Variants in MDN1 observed in about 807,000 individuals in gnomAD.
The protein encoded by MDN1 is midasin AAA ATPase 1, also known as midasin.
A neutral mutation model predicts 669.2 loss-of-function variants in MDN1; 266 were observed. The observed-to-expected ratio is 0.40, with a 90% CI of 0.36 to 0.44. The LOEUF is 0.44. MDN1 is among the 20% of genes least tolerant of loss of function. MDN1 has a pLI of 1.00. For synonymous variants in MDN1, 2,385 were observed against 2,457.1 expected, an observed-to-expected ratio of 0.97 and a Z score of 0.87; for missense variants, 5,940 against 6,754.0, an observed-to-expected ratio of 0.88 and a Z score of 4.22.
In MDN1 at chr6:89,688,720, G is replaced by GTC. The variant is rs1812185072; in HGVS notation, c.11110_11111dup (p.Asp3704GlufsTer3). ...AGGGCCCATCAGGTTTCACCATCAGGTCTGAGGGTGCCTCCCCAAAAAGAG... is the reference window on the plus strand; with the variant it reads ...AGGGCCCATCAGGTTTCACCATCAGGTCTCTGAGGGTGCCTCCCCAAAAAGAG... On this transcript the variant is annotated frameshift_variant, in exon 66 of 102. Coordinates refer to ENST00000369393, the MANE Select transcript of MDN1 (RefSeq NM_014611.3). LOFTEE classifies it high-confidence loss of function. 6.2e-7 allele frequency: 1 copy of GTC among 1,614,080 alleles called. No homozygotes were observed. Among genetic ancestry groups the GTC allele is most frequent in the Admixed American group, 1.7e-5 (1 of 60,008 alleles).
At chr6:89,729,263 A>C in intron 35 of MDN1, 124 bp from the exon 36 acceptor site, 1 of 719,792 alleles carries the variant, frequency 1.4e-6, no homozygotes, top group Non-Finnish European at 2.3e-6. Flanking sequence ...ATTTGCAGTG[A>C]AAATGTTCAA....
intron 59 of MDN1, among the ~76,000 whole-genome samples, chr6:89,698,369 C>T (rs1001567360): frequency 1.3e-5 from 2 of 152,216 alleles, no homozygotes; most frequent in Admixed American, 6.5e-5. Context: ...GAAACTTCAA[C>T]ACTTTATCGG....
In MDN1 at chr6:89,684,882, T is replaced by C. The variant is rs752531870; in HGVS notation, c.11823A>G (p.Glu3941=). The C allele has an allele frequency of 1.3e-6, 2 of 1,595,922 alleles. No individual in the cohort carries two copies. The highest frequency in any genetic ancestry group is 3.3e-5 in the Admixed American group (2 of 59,796). The change falls in exon 71 of 102, where the codon GAA becomes GAG. Residue 3941 remains glutamate, a synonymous_variant. Transcript: ENST00000369393. Reference sequence around the variant, plus strand: ...TGACAGCTGTTCATCTTACTTTAAGTTCTTTTTCTAGGGGGGAACGAAGTT... The same window carrying C: ...TGACAGCTGTTCATCTTACTTTAAGCTCTTTTTCTAGGGGGGAACGAAGTT... ...IVELRSPLEK[E]LKEFVKISKW...
At chr6:89,816,083 A>G (rs755846166) in intron 1 of MDN1, among the ~76,000 whole-genome samples, 8 of 152,236 alleles carry the variant, frequency 5.3e-5, no homozygotes, top group Non-Finnish European at 8.8e-5. Context: ...TAAAGACTAG[A>G]TAACACTGCT....
At chr6:89,703,725 T>C (rs1366154064) in intron 53 of MDN1, among the ~76,000 whole-genome samples, 4 of 151,992 alleles carry the variant, frequency 2.6e-5, no homozygotes, top group African/African-American at 4.8e-5. Flanking sequence ...AGAAAAACAA[T>C]TGAGAGGCCA....
chr6:89,674,980 A>C (rs1170611430), intron 78 of MDN1, among the ~76,000 whole-genome samples: 3 of 152,218 alleles, frequency 2.0e-5, no homozygotes, highest in Non-Finnish European at 2.9e-5. Flanking sequence ...AACTGTCCTC[A>C]TCTCTTAATT....
chr6:89,652,298 A>G lies in MDN1; in HGVS notation c.15826-17T>C, dbSNP rs754949512. 1.2e-6 allele frequency: 2 copies of G among 1,609,780 alleles called. No individual in the cohort carries two copies. Among genetic ancestry groups the G allele is most frequent in the Non-Finnish European group, 1.7e-6 (2 of 1,177,412 alleles). ...TAAAAAGGGCTAAAAAGAAAAAGCC[A>G]TAGATAAGAGGTGGCCCAGGTTGGA... On this transcript the variant is annotated splice_polypyrimidine_tract_variant and intron_variant, in intron 94 of 101. Coordinates refer to ENST00000369393, the MANE Select transcript of MDN1 (RefSeq NM_014611.3).
At chr6:89,785,692 G>T (rs1165593394) in intron 8 of MDN1, among the ~76,000 whole-genome samples, 2 of 152,158 alleles carry the variant, frequency 1.3e-5, no homozygotes, top group African/African-American at 4.8e-5. Context: ...AGGAAAGAAT[G>T]GCCCTTATAC....
At chr6:89,672,819 G>A in intron 80 of MDN1, 117 bp from the exon 81 acceptor site, 1 of 1,137,778 alleles carries the variant, frequency 8.8e-7, no homozygotes, top group Non-Finnish European at 1.2e-6. Context: ...GTGTCAAGCT[G>A]TGCCAGATAC....
At chr6:89,744,304 T>C (rs1027543527) in intron 29 of MDN1, among the ~76,000 whole-genome samples, 1 of 151,892 alleles carries the variant, frequency 6.6e-6, no homozygotes, top group Non-Finnish European at 1.5e-5. Flanking sequence ...TCTTGCCAGG[T>C]ACAGTGTGGC....
At chr6:89,738,519 C>T in intron 32 of MDN1, 64 bp from the exon 33 acceptor site, 2 of 1,577,372 alleles carry the variant, frequency 1.3e-6, no homozygotes, top group Non-Finnish European at 1.7e-6. Flanking sequence ...GAAAACAAGT[C>T]TTGAAAGAAT....
intron 17 of MDN1, 75 bp from the exon 18 acceptor site, chr6:89,759,035 G>A: frequency 6.9e-7 from 1 of 1,455,150 alleles, no homozygotes; most frequent in Admixed American, 1.8e-5. Context: ...TATGCAAGCA[G>A]GGTTAGAAAT....
chr6:89,745,178 G>T, intron 29 of MDN1, 95 bp downstream of exon 29: 1 of 1,179,310 alleles, frequency 8.5e-7, no homozygotes, highest in Middle Eastern at 2.2e-4. Context: ...AGGAAAGAAG[G>T]GGGGATTAAT....
chr6:89,670,840 C>A, intron 83 of MDN1, 79 bp downstream of exon 83: 4 of 1,455,194 alleles, frequency 2.7e-6, no homozygotes, highest in Non-Finnish European at 3.7e-6. Context: ...AAAATAAAAG[C>A]CTATCACACC....
At chr6:89,693,390 A>G (rs1323645064) in intron 62 of MDN1, among the ~76,000 whole-genome samples, 1 of 152,194 alleles carries the variant, frequency 6.6e-6, no homozygotes, top group East Asian at 1.9e-4. Context: ...AAGCCTCATC[A>G]TGACTCACTG....
rs1285312531 is a variant in MDN1 at position 89,712,142 on chromosome 6, A to G, written c.7545T>C (p.Val2515=). 5 of 1,614,024 alleles carry G rather than the reference A, an allele frequency of 3.1e-6. No homozygotes were observed. Among genetic ancestry groups the G allele is most frequent in the East Asian group, 2.2e-5 (1 of 44,878 alleles). ...TGAGCAATTTAACAGCCATGACCAAAACATCTGGTTCATCGATCCAGTAAG... is the reference window on the plus strand; with the variant it reads ...TGAGCAATTTAACAGCCATGACCAAGACATCTGGTTCATCGATCCAGTAAG... ...VNTYWIDEPD[V]LVMAVKLLIE... Residue 2515 remains valine, a synonymous_variant, in exon 49 of 102, where the codon GTT becomes GTC. Transcript: ENST00000369393.
At chr6:89,782,981 G>A (rs925473681) in intron 9 of MDN1, among the ~76,000 whole-genome samples, 16 of 152,080 alleles carry the variant, frequency 1.1e-4, no homozygotes, top group Non-Finnish European at 4.4e-5. Flanking sequence ...GAGGATGTAC[G>A]TCACCTCAGG....
rs370583860 is a variant in MDN1 at position 89,655,926 on chromosome 6, T to C, written c.15328A>G (p.Met5110Val). The C allele has an allele frequency of 1.2e-6, 2 of 1,614,072 alleles. No homozygotes were observed. The highest frequency in any genetic ancestry group is 1.7e-6 in the Non-Finnish European group (2 of 1,180,010). The change falls in exon 92 of 102, where the codon ATG becomes GTG. Residue 5110 changes from methionine (M) to valine (V), a missense_variant. Transcript: ENST00000369393. The stretch of plus-strand genomic sequence containing the variant: ...TGCACACGCTCATTGTGATCACCCA[T>C]GGAACGTTCATTGTCAGCCTGCCCA... ...KPGQADNERS[M>V]GDHNERVHKR...
At chr6:89,666,825 G>A (rs1467030362) in intron 84 of MDN1, among the ~76,000 whole-genome samples, 1 of 152,132 alleles carries the variant, frequency 6.6e-6, no homozygotes, top group African/African-American at 2.4e-5. Context: ...TAGGATCTTA[G>A]GTTATTTCCA....
Sources: gnomAD v4.1 joint callset for allele counts (sites outside exome capture counted in the v4.1 genomes callset) on GRCh38, gnomAD v4.1.1 for gene constraint, MANE v1.5 for transcripts, NCBI Gene and HGNC (gene_info 2026-07-23, HGNC 2026-07-21) for gene names.